The following C10orf67 variants were observed in gnomAD, a reference collection of about 807,000 sequenced individuals.
The protein encoded by C10orf67 is uncharacterized protein C10orf67, mitochondrial.
Under a neutral mutation model 35.6 loss-of-function variants are expected in C10orf67, and 60 were observed. That is an observed-to-expected ratio of 1.68 (90% confidence interval 1.37 to 2.09). The LOEUF is 2.09. Ranked by LOEUF, C10orf67 falls within the 30% of genes most tolerant of loss-of-function variation. The pLI is 0.00. For missense variants in C10orf67, 474 were observed against 330.2 expected (o/e 1.44, Z -3.38); for synonymous variants, 167 against 115.8 (o/e 1.44, Z -2.84).
intron 3 of C10orf67, among the ~76,000 whole-genome samples, chr10:23,321,459 G>A (rs1324423971): frequency 6.6e-6 from 1 of 152,198 alleles, no homozygotes; most frequent in Non-Finnish European, 1.5e-5. Context: ...CTATCCTCCT[G>A]TTTCAACCTC....
At position 23,344,754 on chromosome 10, in the gene C10orf67, G is replaced by T. The variant is rs1204108585; in HGVS notation, c.21C>A (p.Arg7=). 6.4e-7 allele frequency: 1 copy of T among 1,566,764 alleles called. No homozygotes were observed. The highest frequency in any genetic ancestry group is 1.9e-5 in the Admixed American group (1 of 52,834). MALVRD[R]RAHYVMSIVI... The stretch of plus-strand genomic sequence containing the variant: ...CTATGCTCATGACATAATGAGCCCT[G>T]CGATCCCGGACCAAGGCCATCATAA... Residue 7 remains arginine (R), a synonymous_variant, in exon 1 of 16, where the codon CGC becomes CGA. Transcript: ENST00000636213.
chr10:23,206,680 G>C (rs1348664851), intron 15 of C10orf67, among the ~76,000 whole-genome samples: 1 of 152,186 alleles, frequency 6.6e-6, no homozygotes, highest in Non-Finnish European at 1.5e-5. Context: ...TAGCTTTGCA[G>C]TGCAGCATAT....
chr10:23,262,359 G>T (rs140902594), intron 10 of C10orf67, among the ~76,000 whole-genome samples: 3 of 126,216 alleles, frequency 2.4e-5, no homozygotes, highest in Non-Finnish European at 3.3e-5. Flanking sequence ...TTAGGGGAGG[G>T]GGGTGGGGGG....
rs538916747 is a variant in C10orf67, at chr10:23,320,969, G to A, written c.472-154C>T. ...TAATCATTTCTCCCACCCTGCAGCC[G>A]TTATGACACATTTTATTTTTACTTA... On this transcript the variant is annotated intron_variant, in intron 3 of 15. Coordinates refer to ENST00000636213, the MANE Select transcript of C10orf67 (RefSeq NM_001371909.1). Among the ~76,000 whole-genome samples, 6 of 152,152 alleles carry A rather than the reference G, an allele frequency of 3.9e-5. No individual in the cohort carries two copies. The South Asian group carries it at 6.2e-4, about 16-fold the overall frequency.
At chr10:23,323,771 G>A in intron 2 of C10orf67, among the ~76,000 whole-genome samples, 1 of 149,122 alleles carries the variant, frequency 6.7e-6, no homozygotes, top group East Asian at 2.0e-4. Context: ...AATTAGCCAA[G>A]TGTGGCAGTG....
At chr10:23,323,952 T>TATATACATACACACAC (rs1564513730) in intron 2 of C10orf67, among the ~76,000 whole-genome samples, 1 of 64,688 alleles carries the variant, frequency 1.5e-5, no homozygotes, top group Admixed American at 1.8e-4. Context: ...TATATATATA[T>TATATACATACACACAC]ACACACACAC....
chr10:23,305,715 T>G (rs1844250606), intron 4 of C10orf67, among the ~76,000 whole-genome samples: 1 of 152,176 alleles, frequency 6.6e-6, no homozygotes, highest in South Asian at 2.1e-4. Context: ...GCAACCCTTG[T>G]GCACTGTTGA....
At chr10:23,342,637 A>G (rs1411014649) in intron 1 of C10orf67, among the ~76,000 whole-genome samples, 1 of 152,190 alleles carries the variant, frequency 6.6e-6, no homozygotes, top group East Asian at 1.9e-4. Context: ...TCCTATCAGC[A>G]AACACTAGAA....
intron 4 of C10orf67, among the ~76,000 whole-genome samples, chr10:23,305,158 T>C (rs973467782): frequency 2.0e-5 from 3 of 152,102 alleles, no homozygotes; most frequent in Non-Finnish European, 2.9e-5. Context: ...CAGGCAAACA[T>C]GACACTCTCA....
chr10:23,336,033 G>A (rs1588712011), intron 1 of C10orf67, among the ~76,000 whole-genome samples: 1 of 152,274 alleles, frequency 6.6e-6, no homozygotes, highest in African/African-American at 2.4e-5. Flanking sequence ...AAAAAAACTG[G>A]GAGTCAGGCA....
chr10:23,210,175 G>A (rs115077058), intron 15 of C10orf67, among the ~76,000 whole-genome samples: 30 of 152,222 alleles, frequency 2.0e-4, no homozygotes, highest in African/African-American at 6.7e-4. Context: ...GGAGGAAACT[G>A]GAGCCAGAGA....
chr10:23,227,526 A>T (rs1299503132), intron 13 of C10orf67, among the ~76,000 whole-genome samples: 1 of 152,220 alleles, frequency 6.6e-6, no homozygotes, highest in Non-Finnish European at 1.5e-5. Flanking sequence ...GAAAACTGGC[A>T]CAAGACAGGA....
chr10:23,342,355 A>G (rs931961815), intron 1 of C10orf67, among the ~76,000 whole-genome samples: 2 of 151,824 alleles, frequency 1.3e-5, no homozygotes, highest in Non-Finnish European at 2.9e-5. Flanking sequence ...TTCATCATCA[A>G]TTCCTGACTA....
In C10orf67 at chr10:23,266,276, C is replaced by T; in HGVS notation, c.1186G>A (p.Glu396Lys). The part of the protein sequence containing the change: ...KAKMPKKALK[E>K]DQAVVEDKHG... ...GCAGTTCTTACCACAGCTTGGTCTT[C>T]CTTTAAAGCCTTCTTTGGCATTTTA... is the stretch of plus-strand genomic sequence containing the variant. The change falls in exon 10 of 16, where the codon GAA becomes AAA. Residue 396 changes from glutamate to lysine, a missense_variant. By Grantham distance (56) the Glu-to-Lys change is moderately conservative. Transcript: ENST00000636213. The T allele has an allele frequency of 5.0e-6, 2 of 398,602 alleles. No homozygotes were observed. The allele number at this position is 398,602 out of a possible 1,614,324, so 24.7% of individuals were successfully genotyped here.
intron 7 of C10orf67, among the ~76,000 whole-genome samples, chr10:23,286,618 G>C (rs1037980419): frequency 1.8e-4 from 24 of 132,102 alleles, no homozygotes; most frequent in Admixed American, 5.9e-4. Context: ...AGGAGGGAGG[G>C]AGGGAGGAAA....
intron 13 of C10orf67, among the ~76,000 whole-genome samples, chr10:23,234,248 C>T (rs911071177): frequency 1.3e-5 from 2 of 152,102 alleles, no homozygotes; most frequent in African/African-American, 2.4e-5. Flanking sequence ...GCACTATTCA[C>T]AATAGCAAAG....
intron 5 of C10orf67, among the ~76,000 whole-genome samples, chr10:23,292,210 T>C (rs1381010049): frequency 2.0e-5 from 3 of 147,624 alleles, no homozygotes; most frequent in Admixed American, 2.0e-4. Context: ...TCAAAGCTAT[T>C]GAAAACATCT....
intron 7 of C10orf67, among the ~76,000 whole-genome samples, chr10:23,283,205 A>G (rs1256619086): frequency 1.3e-5 from 2 of 152,188 alleles, no homozygotes; most frequent in African/African-American, 4.8e-5. Flanking sequence ...AGGTACCCAC[A>G]AAAATTAAAA....
At chr10:23,301,130 G>A (rs1205676776) in intron 5 of C10orf67, among the ~76,000 whole-genome samples, 1 of 152,224 alleles carries the variant, frequency 6.6e-6, no homozygotes, top group African/African-American at 2.4e-5. Flanking sequence ...GGCATAATCG[G>A]GGAATATGGG....
Sources: allele counts gnomAD v4.1 joint callset (sites outside exome capture counted in the v4.1 genomes callset), GRCh38; gene constraint gnomAD v4.1.1; transcripts MANE v1.5; gene names NCBI Gene and HGNC (gene_info 2026-07-23, HGNC 2026-07-21).